UBAP2L: variants seen among roughly 807,000 people sequenced by gnomAD.
UBAP2L encodes the protein ubiquitin-associated protein 2-like.
UBAP2L carries 12 observed loss-of-function variants against 130.6 expected under a neutral mutation model. That is an observed-to-expected ratio of 0.09 (90% CI 0.06 to 0.15). The LOEUF (loss-of-function observed/expected upper bound fraction) is 0.15. Among genes scored for constraint, UBAP2L ranks in the 10% least tolerant of loss-of-function variants. The pLI, the probability that UBAP2L is intolerant of heterozygous loss-of-function variation, is 1.00. For synonymous variants in UBAP2L, 503 were observed against 524.7 expected, an observed-to-expected ratio of 0.96 and a Z score of 0.57; for missense variants, 965 against 1,332.5, an observed-to-expected ratio of 0.72 and a Z score of 4.29.
At chr1:154,224,439 T>A (rs1667311852) in intron 1 of UBAP2L, among the ~76,000 whole-genome samples, 1 of 152,124 alleles carries the variant, frequency 6.6e-6, no homozygotes, top group South Asian at 2.1e-4. Context: ...ACAAAGTCAT[T>A]GGGGCTAATA....
chr1:154,267,827 C>G (rs1323769357), intron 25 of UBAP2L, among the ~76,000 whole-genome samples: 1 of 142,864 alleles, frequency 7.0e-6, no homozygotes, highest in African/African-American at 2.6e-5. Flanking sequence ...ATGATGTTCA[C>G]ATATGACATT....
chr1:154,220,714 G>A, upstream of UBAP2L: 1 of 421,810 alleles, frequency 2.4e-6, no homozygotes, highest in Non-Finnish European at 4.4e-6. Flanking sequence ...TGCGTCACGT[G>A]GTGGAGGCAG....
intron 8 of UBAP2L, 94 bp downstream of exon 8, chr1:154,237,230 G>A: frequency 1.7e-6 from 2 of 1,171,100 alleles, no homozygotes; most frequent in South Asian, 1.3e-5. Flanking sequence ...GAAGAATAGT[G>A]TTTGGTTATG....
At chr1:154,253,817 C>T (rs1038162111) in intron 14 of UBAP2L, 83 bp from the exon 15 acceptor site, 3 of 1,365,922 alleles carry the variant, frequency 2.2e-6, no homozygotes, top group Non-Finnish European at 3.0e-6. Flanking sequence ...AGTTATTCCA[C>T]TAGTAGATCT....
intron 8 of UBAP2L, among the ~76,000 whole-genome samples, chr1:154,241,087 T>TTTTTTG (rs1673435081): frequency 6.6e-6 from 1 of 152,020 alleles, no homozygotes; most frequent in Non-Finnish European, 1.5e-5. Context: ...TTTTGTTTTG[T>TTTTTTG]TTTTTGTTTT....
intron 11 of UBAP2L, among the ~76,000 whole-genome samples, chr1:154,246,663 A>G (rs1675610344): frequency 6.6e-6 from 1 of 152,248 alleles, no homozygotes; most frequent in Non-Finnish European, 1.5e-5. Flanking sequence ...GAGAAAATCA[A>G]TGACATAAAC....
chr1:154,265,205 G>A (rs1226373899), intron 24 of UBAP2L, among the ~76,000 whole-genome samples: 3 of 152,226 alleles, frequency 2.0e-5, no homozygotes, highest in Non-Finnish European at 2.9e-5. Context: ...ACTGTTCAAG[G>A]TGGGCTTAAC....
Position 154,266,266 on chromosome 1 carries a change from CT to C in UBAP2L, c.2903-233del, listed in dbSNP as rs1261105887. The stretch of plus-strand genomic sequence containing the variant: ...TATCCCCTTGCCCACCAAAAAACAA[CT>C]TACCTCACTCTCTCTCACGTATACT... On this transcript the variant is annotated intron_variant, in intron 24 of 26. Coordinates refer to ENST00000428931, the MANE Select transcript of UBAP2L (RefSeq NM_014847.4). Among the ~76,000 whole-genome samples the C allele has an allele frequency of 2.7e-4, 41 of 152,286 alleles. No individual in the cohort carries two copies. The Middle Eastern group carries it at 0.01, about 38-fold the overall frequency.
chr1:154,269,899 C>T (rs571136417), intron 26 of UBAP2L, among the ~76,000 whole-genome samples: 1 of 152,208 alleles, frequency 6.6e-6, no homozygotes, highest in African/African-American at 2.4e-5. Flanking sequence ...TCTCCAAGAG[C>T]AGGGGAGAGA....
In UBAP2L at chr1:154,235,305, TG is replaced by T; in HGVS notation, c.544+19del. On this transcript the variant is annotated intron_variant, in intron 6 of 26. Coordinates refer to ENST00000428931, the MANE Select transcript of UBAP2L (RefSeq NM_014847.4). ...GCCGAGGCAGAGGTGATCAGTTTGT[TG>T]GGGGATGGATATTGGGGGCAGGTTA... 1.3e-6 allele frequency: 1 copy of T among 750,096 alleles called. No homozygotes were observed. The allele number at this position is 750,096 out of a possible 1,614,324, so 46.5% of individuals were successfully genotyped here.
chr1:154,270,767 T>TTG lies in UBAP2L; in HGVS notation c.*473_*474insGT. The stretch of plus-strand genomic sequence containing the variant: ...ATGAATTAGTTGAAGTGGTTTTTTT[T>TTG]TTGTTTTTTTTTTTTTTTTGTACTG... On this transcript the variant is annotated 3_prime_UTR_variant, in exon 27 of 27. Transcript: ENST00000428931. The TTG allele has an allele frequency of 9.5e-7, 1 of 1,051,592 alleles. No individual in the cohort carries two copies. Among genetic ancestry groups the TTG allele is most frequent in the South Asian group, 2.1e-5 (1 of 46,562 alleles). 65.1% of individuals were successfully genotyped at this position (1,051,592 alleles called of 1,614,324 possible).
chr1:154,229,115 A>G (rs1317088145), intron 4 of UBAP2L, among the ~76,000 whole-genome samples: 1 of 150,758 alleles, frequency 6.6e-6, no homozygotes, highest in Non-Finnish European at 1.5e-5. Context: ...TTTTTATTTT[A>G]TTTTATTTTA....
In UBAP2L at chr1:154,240,184, G is replaced by T; in HGVS notation, c.704-1329G>T. Among the ~76,000 whole-genome samples, 2 of 152,184 alleles carry T rather than the reference G, an allele frequency of 1.3e-5. 1 individual carries two copies. Among genetic ancestry groups the T allele is most frequent in the Non-Finnish European group, 2.9e-5 (2 of 68,006 alleles). ...GAGTTATTTAATATATATTATTCTA[G>T]CAAGAAAATAAGGGTGCTCTTGTCC... is the stretch of plus-strand genomic sequence containing the variant. On this transcript the variant is annotated intron_variant, in intron 8 of 26. Coordinates refer to ENST00000428931, the MANE Select transcript of UBAP2L (RefSeq NM_014847.4).
chr1:154,267,344 C>T (rs202086701), intron 25 of UBAP2L, among the ~76,000 whole-genome samples: 2 of 151,590 alleles, frequency 1.3e-5, no homozygotes, highest in East Asian at 1.9e-4. Flanking sequence ...TTAGTAGAGA[C>T]GGGGTTTCAC....
chr1:154,238,151 T>C lies in UBAP2L; in HGVS notation c.703+1015T>C, dbSNP rs1203529378. Among the ~76,000 whole-genome samples the C allele has an allele frequency of 5.9e-5, 9 of 152,342 alleles. No individual in the cohort carries two copies. In the South Asian group the frequency reaches 1.0e-3, roughly 18 times the overall value. ...TCCACCTTTTTCCTACAATATATTA[T>C]TCCTGAGGCTCTGAATGTCGTCTGC... is the stretch of plus-strand genomic sequence containing the variant. On this transcript the variant is annotated intron_variant, in intron 8 of 26. Coordinates refer to ENST00000428931, the MANE Select transcript of UBAP2L (RefSeq NM_014847.4).
rs1558200119 is a variant in UBAP2L, at chr1:154,254,820, T to G, written c.1855-16T>G. 6.3e-7 allele frequency: 1 copy of G among 1,597,484 alleles called. No homozygotes were observed. ...TTGTCTGTTTCTTGCTCTTCTGTTT[T>G]TTTTTTTTTTACCAGAATGGCTTCA... is the stretch of plus-strand genomic sequence containing the variant. On this transcript the variant is annotated splice_polypyrimidine_tract_variant and intron_variant, in intron 15 of 26. Transcript: ENST00000428931.
chr1:154,252,278 A>AT (rs1186353284), intron 14 of UBAP2L, among the ~76,000 whole-genome samples: 2,786 of 108,988 alleles, frequency 0.026, 147 homozygotes, highest in African/African-American at 0.086. Context: ...CCCAGCCCAG[A>AT]TTTTTTTTTT....
rs1362438744 is a variant in UBAP2L at position 154,268,889 on chromosome 1, A to T, written c.3103A>T (p.Ile1035Phe). ...AAYPPAPFMH[I>F]LTPHQQPHSQ... Reference sequence around the variant, plus strand: ...CTACCCACCTGCCCCCTTTATGCACATTCTGACCCCCCATCAGCAGCCGCA... The same window carrying T: ...CTACCCACCTGCCCCCTTTATGCACTTTCTGACCCCCCATCAGCAGCCGCA... Residue 1035 changes from isoleucine (I) to phenylalanine (F), a missense_variant, in exon 26 of 27, where the codon ATT (isoleucine) becomes TTT (phenylalanine). Physicochemically the swap from Ile to Phe is conservative, Grantham distance 21 (BLOSUM62 0). Transcript: ENST00000428931. 1.3e-5 allele frequency: 20 copies of T among 1,525,808 alleles called. No homozygotes were observed. Among genetic ancestry groups the T allele is most frequent in the Non-Finnish European group, 1.8e-5 (20 of 1,127,000 alleles). 94.5% of individuals were successfully genotyped at this position (1,525,808 alleles called of 1,614,324 possible).
rs142783608 is a variant in UBAP2L, at chr1:154,231,591, A to C, written c.279+2866A>C. ...GCTGGGATTATAGGTGTGAGCCACC[A>C]TCCCCGGCCCTGTTTTCTATTTCTA... is the stretch of plus-strand genomic sequence containing the variant. On this transcript the variant is annotated intron_variant, in intron 4 of 26. Coordinates refer to ENST00000428931, the MANE Select transcript of UBAP2L (RefSeq NM_014847.4). 6.2e-4 allele frequency among the ~76,000 whole-genome samples: 94 copies of C among 152,100 alleles called. 1 individual carries two copies. Among genetic ancestry groups the C allele is most frequent in the African/African-American group, 2.2e-3 (92 of 41,498 alleles).
Sources: allele counts gnomAD v4.1 joint callset (sites outside exome capture counted in the v4.1 genomes callset), GRCh38; gene constraint gnomAD v4.1.1; transcripts MANE v1.5; gene names NCBI Gene and HGNC (gene_info 2026-07-23, HGNC 2026-07-21).